The following PCDHGA7 variants were observed in gnomAD, a reference collection of about 807,000 sequenced individuals.
PCDHGA7 encodes protocadherin gamma-A7.
PCDHGA7 carries 44 observed loss-of-function variants against 58.3 expected under a neutral mutation model. The ratio of observed to expected loss-of-function variants is 0.75; its 90% CI spans 0.59 to 0.97. The LOEUF is 0.97. PCDHGA7 is among the 50% of genes least tolerant of loss of function. The probability of loss-of-function intolerance (pLI) is 0.00; values close to 1 mark genes in which losing one functional copy is unlikely to be tolerated. For missense variants in PCDHGA7, 1,266 were observed against 1,188.7 expected, an observed-to-expected ratio of 1.06 and a Z score of -0.96; for synonymous variants, 516 against 504.2, an observed-to-expected ratio of 1.02 and a Z score of -0.31.
intron 1 of PCDHGA7, chr5:141,413,324 G>A: frequency 6.2e-7 from 1 of 1,613,968 alleles, no homozygotes; most frequent in South Asian, 1.1e-5. Context: ...TCTTTCGTGG[G>A]CAACATCTCC....
chr5:141,462,623 T>C (rs992165332), intron 1 of PCDHGA7, among the ~76,000 whole-genome samples: 3 of 150,992 alleles, frequency 2.0e-5, no homozygotes, highest in Non-Finnish European at 4.4e-5. Context: ...CTTTTAGAAG[T>C]TCCATTTGAC....
intron 3 of PCDHGA7, 154 bp from the exon 4 acceptor site, chr5:141,510,793 G>GAGA: frequency 1.1e-6 from 1 of 935,078 alleles, no homozygotes; most frequent in Non-Finnish European, 1.3e-6. Context: ...CTCTTGTGAA[G>GAGA]AGAGACTACC....
chr5:141,433,767 G>T (rs1237334342), intron 1 of PCDHGA7, among the ~76,000 whole-genome samples: 1 of 151,532 alleles, frequency 6.6e-6, no homozygotes, highest in Non-Finnish European at 1.5e-5. Flanking sequence ...AACCTGGGAG[G>T]TGGAGGTTGC....
rs1253223100 is a variant in PCDHGA7 at position 141,493,049 on chromosome 5, T to C, written c.2425-1758T>C. Among the ~76,000 whole-genome samples the C allele has an allele frequency of 6.6e-6, 1 of 152,188 alleles. No homozygotes were observed. Among genetic ancestry groups the C allele is most frequent in the Non-Finnish European group, 1.5e-5 (1 of 68,032 alleles). Reference sequence around the variant, plus strand: ...GCCCTTATGTGTGAGGAAACTACAATAGTAAAAAACACAAGTTTCTCCAAC... The same window carrying C: ...GCCCTTATGTGTGAGGAAACTACAACAGTAAAAAACACAAGTTTCTCCAAC... On this transcript the variant is annotated intron_variant, in intron 1 of 3. Transcript: ENST00000518325. This position sits in a 1 kb window ranked among gnomAD's most constrained non-coding sequence, Gnocchi z 4.3.
At chr5:141,422,463 C>T in intron 1 of PCDHGA7, 1 of 1,613,472 alleles carries the variant, frequency 6.2e-7, no homozygotes, top group African/African-American at 1.3e-5. Context: ...GAGTGCTGGA[C>T]AGGGAGTTGG....
chr5:141,420,255 A>G lies in PCDHGA7; in HGVS notation c.2424+34932A>G, dbSNP rs917458059. The G allele has an allele frequency of 7.6e-6, 12 of 1,569,630 alleles. No homozygotes were observed. Among genetic ancestry groups the G allele is most frequent in the African/African-American group, 1.4e-5 (1 of 73,152 alleles). ...ATTTTAACTCCCAGCGTTGAAGCAG[A>G]TAAGAAGATTCTTAAACAGGTAAGT... is the stretch of plus-strand genomic sequence containing the variant. On this transcript the variant is annotated intron_variant, in intron 1 of 3. Coordinates refer to ENST00000518325, the MANE Select transcript of PCDHGA7 (RefSeq NM_018920.4).
chr5:141,489,101 T>G lies in PCDHGA7; in HGVS notation c.2425-5706T>G. 1 of 398,408 alleles carries G rather than the reference T, an allele frequency of 2.5e-6. No homozygotes were observed. Among genetic ancestry groups the G allele is most frequent in the Non-Finnish European group, 4.5e-6 (1 of 223,328 alleles). The allele number at this position is 398,408 out of a possible 1,614,324, so 24.7% of individuals were successfully genotyped here. On this transcript the variant is annotated intron_variant, in intron 1 of 3. Transcript: ENST00000518325. The surrounding 1 kb of genome is among the most constrained non-coding windows in gnomAD (Gnocchi z 4.5). Reference sequence around the variant, plus strand: ...CCGCCACTCGGTGACTAAGAACTGCTGCAAGCAGGCAAACCTCCGAGCAGT... The same window carrying G: ...CCGCCACTCGGTGACTAAGAACTGCGGCAAGCAGGCAAACCTCCGAGCAGT...
intron 1 of PCDHGA7, chr5:141,408,186 G>A (rs529140572): frequency 1.7e-4 from 266 of 1,542,242 alleles, no homozygotes; most frequent in Non-Finnish European, 2.2e-4. Flanking sequence ...GGGACCCAGC[G>A]AGAACCCGAG....
intron 2 of PCDHGA7, among the ~76,000 whole-genome samples, chr5:141,495,175 C>A (rs1337353259): frequency 6.6e-6 from 1 of 152,300 alleles, no homozygotes; most frequent in Middle Eastern, 3.4e-3. Flanking sequence ...TGGGTGAAAG[C>A]GAGGCTTTCT....
chr5:141,404,407 T>C, intron 1 of PCDHGA7: 1 of 1,613,944 alleles, frequency 6.2e-7, no homozygotes, highest in East Asian at 2.2e-5. Flanking sequence ...ATGAGAATTC[T>C]AGAGTTATTT....
At chr5:141,419,663 G>A in intron 1 of PCDHGA7, 1 of 1,612,826 alleles carries the variant, frequency 6.2e-7, no homozygotes, top group Non-Finnish European at 8.5e-7. Flanking sequence ...GGGGCACAAT[G>A]CCTGGCTGTC....
chr5:141,395,483 AT>A lies in PCDHGA7; in HGVS notation c.2424+10162del, dbSNP rs2093238640. ...TTAAGCCTTCCAGTATTTTATTCCT[AT>A]TATCACTCATTCACTTAAGAAGTAG... On this transcript the variant is annotated intron_variant, in intron 1 of 3. Transcript: ENST00000518325. The A allele has an allele frequency of 5.8e-6, 3 of 512,838 alleles. No individual in the cohort carries two copies. The South Asian group carries it at 8.4e-5, about 14-fold the overall frequency. The allele number at this position is 512,838 out of a possible 1,614,324, so 31.8% of individuals were successfully genotyped here.
At chr5:141,407,976 G>T (rs1392473551) in intron 1 of PCDHGA7, 2 of 742,146 alleles carry the variant, frequency 2.7e-6, no homozygotes, top group South Asian at 2.3e-5. Flanking sequence ...CTGACGCCGG[G>T]GATCCGTCAG....
chr5:141,486,121 T>G lies in PCDHGA7; in HGVS notation c.2425-8686T>G. The G allele has an allele frequency of 6.2e-7, 1 of 1,614,204 alleles. No homozygotes were observed. Among genetic ancestry groups the G allele is most frequent in the Non-Finnish European group, 8.5e-7 (1 of 1,180,036 alleles). Reference sequence around the variant, plus strand: ...TAGACTTTGAGAGTGAGAATTACTATGAATTTGATGTGCGGGCTCGCGATG... The same window carrying G: ...TAGACTTTGAGAGTGAGAATTACTAGGAATTTGATGTGCGGGCTCGCGATG... On this transcript the variant is annotated intron_variant, in intron 1 of 3. Transcript: ENST00000518325. The surrounding 1 kb of genome is among the most constrained non-coding windows in gnomAD (Gnocchi z 5.0).
intron 1 of PCDHGA7, among the ~76,000 whole-genome samples, chr5:141,484,322 T>C (rs2099594801): frequency 6.6e-6 from 1 of 152,214 alleles, no homozygotes; most frequent in Non-Finnish European, 1.5e-5. Flanking sequence ...TTCCATACTG[T>C]CCTTGAAATC....
chr5:141,394,907 T>C (rs1477088272), intron 1 of PCDHGA7: 2 of 1,613,640 alleles, frequency 1.2e-6, no homozygotes, highest in Non-Finnish European at 1.7e-6. Context: ...TGGCAGTGGC[T>C]GCCATCTCCT....
chr5:141,384,754 G>A lies in PCDHGA7; in HGVS notation c.1855G>A (p.Val619Ile). ...GGCCAGCGAGCCAGGACTCTTTGCG[G>A]TTGGGCTGTACACGGGCGAGGTGCG... ...LKASEPGLFA[V>I]GLYTGEVRTA... The change falls in exon 1 of 4, where the codon GTT (valine) becomes ATT (isoleucine). Residue 619 changes from valine to isoleucine, a missense_variant. By Grantham distance (29) the Val-to-Ile change is conservative (BLOSUM62 3). Coordinates refer to ENST00000518325, the MANE Select transcript of PCDHGA7 (RefSeq NM_018920.4). The A allele has an allele frequency of 6.2e-7, 1 of 1,614,042 alleles. No individual in the cohort carries two copies. The highest frequency in any genetic ancestry group is 8.5e-7 in the Non-Finnish European group (1 of 1,180,040).
At chr5:141,398,121 A>C (rs554777335) in intron 1 of PCDHGA7, 28 of 1,590,306 alleles carry the variant, frequency 1.8e-5, no homozygotes, top group Admixed American at 3.6e-5. Context: ...TGAGGAGAGC[A>C]AGAGGGATGG....
intron 1 of PCDHGA7, chr5:141,410,847 G>GTTTTTTT (rs773839667): frequency 8.8e-5 from 14 of 158,320 alleles, no homozygotes; most frequent in African/African-American, 4.2e-4. Flanking sequence ...TTTTGTCTTT[G>GTTTTTTT]TCTTTTTTTT....
Sources: gnomAD v4.1 joint callset for allele counts (sites outside exome capture counted in the v4.1 genomes callset) on GRCh38, gnomAD v4.1.1 for gene constraint, Gnocchi (gnomAD v3.1) non-coding constraint, MANE v1.5 for transcripts, NCBI Gene and HGNC (gene_info 2026-07-23, HGNC 2026-07-21) for gene names.